Variants in EMSY observed in about 807,000 individuals in gnomAD.
EMSY encodes the protein BRCA2-interacting transcriptional repressor EMSY.
In EMSY, 26 loss-of-function variants were observed where a neutral mutation model predicts 134.6. The observed-to-expected ratio is 0.19, with a 90% CI of 0.14 to 0.27. The LOEUF is 0.27. Ranked by LOEUF, EMSY falls within the 10% of genes least tolerant of loss-of-function variation. The probability of loss-of-function intolerance (pLI) is 1.00; values close to 1 mark genes in which losing one functional copy is unlikely to be tolerated. For missense variants in EMSY, 1,305 were observed against 1,611.4 expected (o/e 0.81, Z 3.26); for synonymous variants, 579 against 577.8 (o/e 1.00, Z -0.03).
chr11:76,539,843 C>A (rs1951366654), intron 17 of EMSY, among the ~76,000 whole-genome samples: 1 of 152,146 alleles, frequency 6.6e-6, no homozygotes, highest in African/African-American at 2.4e-5. Context: ...AAAAAGAGTT[C>A]TTTAAAATAA....
At chr11:76,474,502 T>A (rs1948701502) in intron 8 of EMSY, among the ~76,000 whole-genome samples, 1 of 152,216 alleles carries the variant, frequency 6.6e-6, no homozygotes, top group South Asian at 2.1e-4. Flanking sequence ...TTTAATGATG[T>A]ATTATGTATT....
At chr11:76,477,222 G>A (rs1246728299) in intron 8 of EMSY, among the ~76,000 whole-genome samples, 3 of 149,778 alleles carry the variant, frequency 2.0e-5, no homozygotes, top group East Asian at 1.9e-4. Flanking sequence ...TAAAAGTCAC[G>A]TGAAATTCTT....
chr11:76,492,736 T>G (rs1949472309), intron 8 of EMSY, among the ~76,000 whole-genome samples: 1 of 152,124 alleles, frequency 6.6e-6, no homozygotes, highest in Non-Finnish European at 1.5e-5. Flanking sequence ...CCCGCCCTCC[T>G]GGGTGCAGCT....
intron 8 of EMSY, among the ~76,000 whole-genome samples, chr11:76,481,218 T>C (rs1483231159): frequency 1.3e-5 from 2 of 152,150 alleles, no homozygotes; most frequent in Non-Finnish European, 2.9e-5. Context: ...TAATTTTTTG[T>C]ATTTTTAGTA....
chr11:76,536,209 A>G (rs1188749708), intron 15 of EMSY, 150 bp downstream of exon 16: 2 of 497,452 alleles, frequency 4.0e-6, no homozygotes, highest in Admixed American at 4.5e-5. Context: ...GGACTTGTCT[A>G]TAATCATTGG....
intron 17 of EMSY, among the ~76,000 whole-genome samples, chr11:76,540,538 T>C (rs1278890862): frequency 6.6e-6 from 1 of 152,234 alleles, no homozygotes. Flanking sequence ...TAATCTCAAA[T>C]CACATGTAGA....
chr11:76,539,264 G>A (rs1951343089), intron 16 of EMSY, among the ~76,000 whole-genome samples: 1 of 152,054 alleles, frequency 6.6e-6, no homozygotes, highest in Non-Finnish European at 1.5e-5. Context: ...AATATGTAGA[G>A]GACTCCTTTC....
Position 76,532,260 on chromosome 11 carries a change from T to C in EMSY, c.2195-3635T>C, listed in dbSNP as rs73495414. Among the ~76,000 whole-genome samples the C allele has an allele frequency of 5.0e-3, 761 of 152,078 alleles. 4 individuals carry two copies. The highest frequency in any genetic ancestry group is 0.017 in the African/African-American group (723 of 41,506). On this transcript the variant is annotated intron_variant, in intron 14 of 20. Coordinates refer to ENST00000334736, the Ensembl canonical transcript of EMSY. ...GGTACTCAGTAAAAGTTTCACCGAA[T>C]GAACAAATAGCAGAGCAGCAACCAT... is the stretch of plus-strand genomic sequence containing the variant.
chr11:76,506,709 A>G (rs983852530), intron 9 of EMSY, among the ~76,000 whole-genome samples: 1 of 152,198 alleles, frequency 6.6e-6, no homozygotes, highest in African/African-American at 2.4e-5. Flanking sequence ...CTGCTTGAAA[A>G]TATACTGGTG....
intron 2 of EMSY, among the ~76,000 whole-genome samples, chr11:76,448,538 T>TA (rs1477228519): frequency 6.6e-6 from 1 of 152,094 alleles, no homozygotes; most frequent in African/African-American, 2.4e-5. Flanking sequence ...TGTTTAAATA[T>TA]AAAAATGGTA....
At chr11:76,536,090 C>G in intron 15 of EMSY, 31 bp downstream of exon 16, 1 of 1,419,030 alleles carries the variant, frequency 7.0e-7, no homozygotes, top group South Asian at 1.8e-5. Context: ...TTGAATGAAG[C>G]ATGTTTTCTC....
chr11:76,544,387 A>G (rs753545345), exon 19 of EMSY: 2 of 1,614,190 alleles, frequency 1.2e-6, no homozygotes, highest in Non-Finnish European at 1.7e-6. Context: ...TGACTCAGTC[A>G]CAGTCAGCTA....
At chr11:76,534,568 C>A (rs990694485) in intron 14 of EMSY, among the ~76,000 whole-genome samples, 1 of 151,730 alleles carries the variant, frequency 6.6e-6, no homozygotes, top group East Asian at 1.9e-4. Context: ...AGAGTTGTTC[C>A]CCTTGCCCCA....
At chr11:76,524,425 T>C (rs911062527) in intron 12 of EMSY, among the ~76,000 whole-genome samples, 1 of 152,222 alleles carries the variant, frequency 6.6e-6, no homozygotes, top group East Asian at 1.9e-4. Flanking sequence ...ATAGATCTCA[T>C]AAAAGCTTCA....
intron 9 of EMSY, among the ~76,000 whole-genome samples, chr11:76,508,685 T>C (rs1428541711): frequency 6.6e-6 from 1 of 152,256 alleles, no homozygotes; most frequent in Non-Finnish European, 1.5e-5. Context: ...TGGTGTTTAG[T>C]GTAGCCACCT....
At chr11:76,473,036 A>C (rs559176752) in intron 8 of EMSY, among the ~76,000 whole-genome samples, 196 bp downstream of exon 9, 27 of 152,312 alleles carry the variant, frequency 1.8e-4, no homozygotes, top group African/African-American at 4.8e-4. Flanking sequence ...GCTTGCCCCA[A>C]GTTGTTTTGC....
At chr11:76,512,698 T>G (rs1206761021) in intron 9 of EMSY, among the ~76,000 whole-genome samples, 1 of 150,578 alleles carries the variant, frequency 6.6e-6, no homozygotes, top group African/African-American at 2.4e-5. Flanking sequence ...AATTATGGCA[T>G]TATAAAGAAA....
At chr11:76,523,201 C>T (rs760945047) in exon 12 of EMSY, 48 of 1,613,684 alleles carry the variant, frequency 3.0e-5, no homozygotes, top group Middle Eastern at 1.7e-4. Context: ...CCAAGCCCAA[C>T]GTGATTGTTG....
intron 20 of EMSY, among the ~76,000 whole-genome samples, chr11:76,548,486 A>G (rs1951731609): frequency 6.6e-6 from 1 of 152,190 alleles, no homozygotes; most frequent in African/African-American, 2.4e-5. Context: ...CTTCTATTAT[A>G]AAAGAGTCTA....
Sources: allele counts gnomAD v4.1 joint callset (sites outside exome capture counted in the v4.1 genomes callset), GRCh38; gene constraint gnomAD v4.1.1; transcripts MANE v1.5; gene names NCBI Gene and HGNC (gene_info 2026-07-23, HGNC 2026-07-21).